The following STK40 variants were observed in gnomAD, a reference collection of about 807,000 sequenced individuals.
STK40 encodes the protein serine/threonine kinase 40.
STK40 carries 13 observed loss-of-function variants against 47.9 expected under a neutral mutation model. The ratio of observed to expected loss-of-function variants is 0.27; its 90% CI spans 0.18 to 0.43. The LOEUF (loss-of-function observed/expected upper bound fraction) is 0.43. STK40 is among the 20% of genes least tolerant of loss of function. STK40 has a pLI of 1.00. For missense variants in STK40, 460 were observed against 595.1 expected (o/e 0.77, Z 2.36); for synonymous variants, 225 against 243.2 (o/e 0.93, Z 0.69).
chr1:36,383,762 A>G (rs1647061077), intron 1 of STK40, among the ~76,000 whole-genome samples: 1 of 152,108 alleles, frequency 6.6e-6, no homozygotes, highest in Non-Finnish European at 1.5e-5. Context: ...GCACCATATC[A>G]ACTTCCATAC....
chr1:36,340,491 A>G lies in STK40; in HGVS notation c.*1264T>C, dbSNP rs576049491. ...GAGGGGACACTCAGCCTCTCTGAGGACATATGGGGGGTAGGCCTCTGGGGA... is the reference window on the plus strand; with the variant it reads ...GAGGGGACACTCAGCCTCTCTGAGGGCATATGGGGGGTAGGCCTCTGGGGA... On this transcript the variant is annotated 3_prime_UTR_variant, in exon 11 of 11. Coordinates refer to ENST00000373132, the MANE Select transcript of STK40 (RefSeq NM_001282547.2). 2 of 152,826 alleles carry G rather than the reference A, an allele frequency of 1.3e-5. No homozygotes were observed. The highest frequency in any genetic ancestry group is 2.1e-4 in the South Asian group (1 of 4,832). The allele number at this position is 152,826 out of a possible 1,614,324, so 9.5% of individuals were successfully genotyped here.
Position 36,385,814 on chromosome 1 carries a change from G to A in STK40, c.-100C>T. The stretch of plus-strand genomic sequence containing the variant: ...CCTCCCGGGGGGCCGGGGCCGGGCT[G>A]GAGGCGTGCGAGCCTCTCACCGCCG... On this transcript the variant is annotated 5_prime_UTR_variant, in exon 1 of 11. Transcript: ENST00000373132. 1 of 172,568 alleles carries A rather than the reference G, an allele frequency of 5.8e-6. No homozygotes were observed. The highest frequency in any genetic ancestry group is 1.2e-5 in the Non-Finnish European group (1 of 84,034). 10.7% of individuals were successfully genotyped at this position (172,568 alleles called of 1,614,324 possible). A position where few individuals can be genotyped will look rare whatever the true frequency, so the allele number is the denominator to read the frequency against.
At chr1:36,374,401 G>C (rs556231862) in intron 1 of STK40, among the ~76,000 whole-genome samples, 14 of 152,274 alleles carry the variant, frequency 9.2e-5, no homozygotes, top group African/African-American at 3.4e-4. Flanking sequence ...GGCTCTCCTG[G>C]GGAAAAAATA....
intron 1 of STK40, among the ~76,000 whole-genome samples, chr1:36,371,684 CCAAA>C (rs1646948729): frequency 1.1e-5 from 1 of 88,688 alleles, no homozygotes; most frequent in Admixed American, 1.2e-4. Flanking sequence ...GACCCTGTCT[CCAAA>C]AAAAAAAAAA....
At chr1:36,369,300 G>A (rs1646926033) in intron 1 of STK40, among the ~76,000 whole-genome samples, 1 of 152,144 alleles carries the variant, frequency 6.6e-6, no homozygotes, top group Admixed American at 6.5e-5. Flanking sequence ...CAGGAAGGAT[G>A]CACTCCATGG....
intron 1 of STK40, among the ~76,000 whole-genome samples, chr1:36,371,844 A>C (rs1441836155): frequency 2.6e-5 from 4 of 151,790 alleles, no homozygotes; most frequent in East Asian, 2.0e-4. Flanking sequence ...AAAAATACAA[A>C]AAAATTAGCA....
intron 1 of STK40, among the ~76,000 whole-genome samples, chr1:36,378,808 C>T (rs1462804844): frequency 6.6e-6 from 1 of 152,072 alleles, no homozygotes; most frequent in African/African-American, 2.4e-5. Flanking sequence ...GGGACCACTC[C>T]AGGAGTCAGA....
chr1:36,382,149 G>A (rs116486631), intron 1 of STK40, among the ~76,000 whole-genome samples: 3,055 of 152,102 alleles, frequency 0.02, 106 homozygotes, highest in African/African-American at 0.069. Flanking sequence ...GGGACACACA[G>A]AGAAGAAATT....
rs2124747988 is a variant in STK40 at position 36,372,047 on chromosome 1, A to G, written c.-8-10707T>C. 2.0e-5 allele frequency among the ~76,000 whole-genome samples: 3 copies of G among 152,302 alleles called. 1 individual carries two copies. In the Middle Eastern group the frequency reaches 0.01, roughly 518 times the overall value. On this transcript the variant is annotated intron_variant, in intron 1 of 10. Coordinates refer to ENST00000373132, the MANE Select transcript of STK40 (RefSeq NM_001282547.2). The stretch of plus-strand genomic sequence containing the variant: ...TCTGTACATGTTTAGTCCAGACACA[A>G]GCATCCTTCTTTGTTCCTGAACATT...
At chr1:36,380,113 T>C (rs1647027375) in intron 1 of STK40, among the ~76,000 whole-genome samples, 1 of 152,130 alleles carries the variant, frequency 6.6e-6, no homozygotes, top group South Asian at 2.1e-4. Flanking sequence ...TTGCATCCTT[T>C]CCCCTCTAGG....
At chr1:36,343,777 G>GACT in intron 9 of STK40, 83 bp downstream of exon 9, 1 of 1,505,494 alleles carries the variant, frequency 6.6e-7, no homozygotes, top group African/African-American at 1.4e-5. Context: ...GAAGCAGGCT[G>GACT]ACTACTGGCT....
In STK40 at chr1:36,358,306, G is replaced by A. The variant is rs1215063514; in HGVS notation, c.275C>T (p.Thr92Ile). 1.9e-6 allele frequency: 3 copies of A among 1,610,460 alleles called. No homozygotes were observed. The highest frequency in any genetic ancestry group is 2.5e-6 in the Non-Finnish European group (3 of 1,176,968). ...EERQGKMLLHTEYSLLSLLHT... is the reference protein window; with the variant it reads ...EERQGKMLLHIEYSLLSLLHT... ...CAGGAGAGACAGCAGTGAGTACTCG[G>A]TGTGCAGCAGCATCTTGCCCTGCCG... is the stretch of plus-strand genomic sequence containing the variant. Residue 92 changes from threonine to isoleucine, a missense_variant, in exon 4 of 11, where the codon ACC becomes ATC. Physicochemically the swap from Thr to Ile is moderately conservative, Grantham distance 89 (BLOSUM62 -1). This residue lies in a region of STK40 where 277 missense variants were observed against 358.7 expected (regional missense o/e 0.77). Transcript: ENST00000373132.
chr1:36,347,694 C>T (rs1284318313), intron 7 of STK40, among the ~76,000 whole-genome samples: 5 of 151,090 alleles, frequency 3.3e-5, no homozygotes. Context: ...GCTCTGTTGC[C>T]CAGGCTGGAG....
chr1:36,375,730 A>G (rs1557524154), intron 1 of STK40, among the ~76,000 whole-genome samples: 1 of 152,112 alleles, frequency 6.6e-6, no homozygotes, highest in Non-Finnish European at 1.5e-5. Context: ...ATTAAATTTC[A>G]TAACTTTAGG....
At chr1:36,347,545 G>T (rs1208778015) in intron 7 of STK40, among the ~76,000 whole-genome samples, 1 of 152,208 alleles carries the variant, frequency 6.6e-6, no homozygotes, top group Non-Finnish European at 1.5e-5. Context: ...ATAGATATTG[G>T]CCTCACAGGG....
chr1:36,383,449 G>C (rs1399168440), intron 1 of STK40, among the ~76,000 whole-genome samples: 1 of 152,242 alleles, frequency 6.6e-6, no homozygotes, highest in African/African-American at 2.4e-5. Flanking sequence ...CCAGGCCAAT[G>C]CAGGAGCTTG....
In STK40 at chr1:36,362,559, C is replaced by G. The variant is rs913247979; in HGVS notation, c.-8-1219G>C. On this transcript the variant is annotated intron_variant, in intron 1 of 10. Coordinates refer to ENST00000373132, the MANE Select transcript of STK40 (RefSeq NM_001282547.2). ...CCCAGGATAGAGGCCTGACACCCAC[C>G]TTAGGAGTGTAGCCTTTACCCTTCC... 2.6e-5 allele frequency: 4 copies of G among 152,198 alleles called. No homozygotes were observed. In the South Asian group the frequency reaches 6.2e-4, roughly 24 times the overall value. The allele number at this position is 152,198 out of a possible 1,614,324, so 9.4% of individuals were successfully genotyped here.
chr1:36,341,633 C>A lies in STK40; in HGVS notation c.*122G>T. The A allele has an allele frequency of 8.0e-7, 1 of 1,247,736 alleles. No individual in the cohort carries two copies. Among genetic ancestry groups the A allele is most frequent in the Non-Finnish European group, 1.1e-6 (1 of 893,232 alleles). The allele number at this position is 1,247,736 out of a possible 1,614,324, so 77.3% of individuals were successfully genotyped here. The stretch of plus-strand genomic sequence containing the variant: ...CACGTGTGACCTGGGCTGTCCCTGT[C>A]CCTGCCCTGTCCCTATTGTGGCCCG... On this transcript the variant is annotated 3_prime_UTR_variant, in exon 11 of 11. Coordinates refer to ENST00000373132, the MANE Select transcript of STK40 (RefSeq NM_001282547.2).
intron 1 of STK40, among the ~76,000 whole-genome samples, chr1:36,366,690 G>A (rs540083975): frequency 1.3e-5 from 2 of 152,238 alleles, no homozygotes; most frequent in East Asian, 1.9e-4. Context: ...CTGGTCTCAG[G>A]AAGACTGGGA....
Sources: gnomAD v4.1 joint callset for allele counts (sites outside exome capture counted in the v4.1 genomes callset) on GRCh38, gnomAD v4.1.1 for gene constraint, gnomAD v4.1.1 regional missense constraint, MANE v1.5 for transcripts, NCBI Gene and HGNC (gene_info 2026-07-23, HGNC 2026-07-21) for gene names.